Variants in PIK3CB observed in about 807,000 individuals in gnomAD.
PIK3CB encodes the protein phosphatidylinositol-4,5-bisphosphate 3-kinase catalytic subunit beta.
Under a neutral mutation model 136.8 loss-of-function variants are expected in PIK3CB, and 39 were observed. The observed-to-expected ratio is 0.29, with a 90% CI of 0.22 to 0.37. The LOEUF (loss-of-function observed/expected upper bound fraction) is 0.37. Ranked by LOEUF, PIK3CB falls within the 10% of genes least tolerant of loss-of-function variation. The pLI, the probability that PIK3CB is intolerant of heterozygous loss-of-function variation, is 1.00. For missense variants in PIK3CB, 868 were observed against 1,275.4 expected (o/e 0.68, Z 4.87); for synonymous variants, 428 against 436.6 (o/e 0.98, Z 0.25).
At chr3:138,669,430 G>C (rs1481317514) in intron 19 of PIK3CB, among the ~76,000 whole-genome samples, 1 of 144,750 alleles carries the variant, frequency 6.9e-6, no homozygotes, top group African/African-American at 2.5e-5. Context: ...AAAAAAAGGG[G>C]GGGGGGATGT....
At chr3:138,688,840 A>G (rs1487513418) in intron 16 of PIK3CB, 35 bp downstream of exon 16, 1 of 1,399,190 alleles carries the variant, frequency 7.1e-7, no homozygotes, top group African/African-American at 1.4e-5. Flanking sequence ...GTCTGTCAAA[A>G]AAAGAAAAAA....
At chr3:138,725,182 A>AAT (rs1280094027) in intron 8 of PIK3CB, among the ~76,000 whole-genome samples, 2 of 151,674 alleles carry the variant, frequency 1.3e-5, no homozygotes, top group Non-Finnish European at 2.9e-5. Context: ...ATACTCCCTA[A>AAT]ATATATATAT....
intron 1 of PIK3CB, among the ~76,000 whole-genome samples, chr3:138,830,774 C>A (rs551561108): frequency 6.8e-6 from 1 of 146,780 alleles, no homozygotes; most frequent in East Asian, 2.1e-4. Flanking sequence ...TGTTGGCTGG[C>A]GCCTGTAGTC....
At chr3:138,785,954 A>G (rs1355822575) in intron 2 of PIK3CB, among the ~76,000 whole-genome samples, 4 of 152,228 alleles carry the variant, frequency 2.6e-5, no homozygotes, top group African/African-American at 9.6e-5. Context: ...AATAAATAAT[A>G]GTTTACAATA....
At chr3:138,782,188 T>G (rs2045930466) in intron 2 of PIK3CB, among the ~76,000 whole-genome samples, 1 of 152,232 alleles carries the variant, frequency 6.6e-6, no homozygotes, top group South Asian at 2.1e-4. Flanking sequence ...TCAGAATTAT[T>G]TCATCTCACA....
chr3:138,689,669 A>G lies in PIK3CB; in HGVS notation c.2037-695T>C, dbSNP rs1365099721. On this transcript the variant is annotated intron_variant, in intron 15 of 23. Coordinates refer to ENST00000674063, the MANE Select transcript of PIK3CB (RefSeq NM_006219.3). ...AAGTTCAAAAGCTATGATATTCTAT[A>G]ATTAGTTAATACTTCAAAGTTCAAA... Among the ~76,000 whole-genome samples, 3 of 152,358 alleles carry G rather than the reference A, an allele frequency of 2.0e-5. 1 individual carries two copies. Among genetic ancestry groups the G allele is most frequent in the South Asian group, 4.1e-4 (2 of 4,828 alleles).
At chr3:138,787,255 A>G (rs561879903) in intron 2 of PIK3CB, among the ~76,000 whole-genome samples, 43 of 151,882 alleles carry the variant, frequency 2.8e-4, no homozygotes, top group Non-Finnish European at 5.2e-4. Context: ...AATTCCAGCT[A>G]CTCAGGAGGC....
At chr3:138,742,442 T>C (rs1311400354) in intron 5 of PIK3CB, 116 bp downstream of exon 5, 3 of 592,480 alleles carry the variant, frequency 5.1e-6, no homozygotes, top group Non-Finnish European at 9.0e-6. Context: ...AATATAAAAT[T>C]GTTCTTTCTA....
intron 11 of PIK3CB, among the ~76,000 whole-genome samples, chr3:138,705,035 C>T (rs1356709372): frequency 2.6e-5 from 4 of 151,040 alleles, no homozygotes; most frequent in Non-Finnish European, 4.4e-5. Context: ...AATTATCCCA[C>T]CTCAGCCTCA....
At chr3:138,739,640 C>G (rs1219615552) in intron 5 of PIK3CB, among the ~76,000 whole-genome samples, 1 of 150,852 alleles carries the variant, frequency 6.6e-6, no homozygotes, top group East Asian at 2.0e-4. Flanking sequence ...GTGGATCACA[C>G]CTATAATCCC....
At position 138,694,742 on chromosome 3, in the gene PIK3CB, C is replaced by G. The variant is rs2044098384; in HGVS notation, c.1892+44G>C. ...GGAGACACCCTCATCCCAAACCCAC[C>G]CAAGTTATTCCTTGCCCCAAAGAAA... On this transcript the variant is annotated intron_variant, in intron 14 of 23. Coordinates refer to ENST00000674063, the MANE Select transcript of PIK3CB (RefSeq NM_006219.3). 1.9e-6 allele frequency: 3 copies of G among 1,600,026 alleles called. No homozygotes were observed. The East Asian group carries it at 6.7e-5, about 36-fold the overall frequency.
At chr3:138,781,795 T>C (rs914675909) in intron 2 of PIK3CB, among the ~76,000 whole-genome samples, 2 of 152,032 alleles carry the variant, frequency 1.3e-5, no homozygotes, top group African/African-American at 2.4e-5. Flanking sequence ...GGGTGCACAC[T>C]TAGGGTCCCA....
chr3:138,705,915 G>C (rs2044370452), intron 11 of PIK3CB, among the ~76,000 whole-genome samples: 1 of 152,108 alleles, frequency 6.6e-6, no homozygotes, highest in Non-Finnish European at 1.5e-5. Context: ...ACCACACCCA[G>C]CTAACTTTTA....
chr3:138,775,937 C>T (rs974030901), intron 2 of PIK3CB, among the ~76,000 whole-genome samples: 1 of 152,206 alleles, frequency 6.6e-6, no homozygotes, highest in Non-Finnish European at 1.5e-5. Flanking sequence ...GTGGCTCACA[C>T]CTGTAATCCC....
intron 12 of PIK3CB, among the ~76,000 whole-genome samples, chr3:138,704,021 T>C (rs2044311814): frequency 6.6e-6 from 1 of 152,054 alleles, no homozygotes; most frequent in Admixed American, 6.6e-5. Flanking sequence ...AACCATGAAA[T>C]AGAAAATACA....
At chr3:138,760,212 C>T (rs940331215) in intron 2 of PIK3CB, among the ~76,000 whole-genome samples, 1 of 152,130 alleles carries the variant, frequency 6.6e-6, no homozygotes, top group Non-Finnish European at 1.5e-5. Context: ...CGTGACCCAC[C>T]GTGCCCAGCC....
At chr3:138,832,136 T>C (rs1443775871) in intron 1 of PIK3CB, among the ~76,000 whole-genome samples, 2 of 152,268 alleles carry the variant, frequency 1.3e-5, no homozygotes, top group East Asian at 3.9e-4. Flanking sequence ...ACAGTGTTCA[T>C]TTTTCACTTT....
In PIK3CB at chr3:138,785,342, G is replaced by A. The variant is rs540789819; in HGVS notation, c.-17+11121C>T. On this transcript the variant is annotated intron_variant, in intron 2 of 23. Transcript: ENST00000674063. ...GTGTACCCAACAGCTCATTGAGAAC[G>A]GGCCATGATGACGATGGCAGTTTTG... Among the ~76,000 whole-genome samples the A allele has an allele frequency of 7.2e-5, 11 of 152,272 alleles. No homozygotes were observed. The East Asian group carries it at 9.7e-4, about 13-fold the overall frequency.
chr3:138,698,866 C>T lies in PIK3CB; in HGVS notation c.1770+41G>A, dbSNP rs780227493. Reference sequence around the variant, plus strand: ...TACTTTATGTGAATCCAACCAAGTACCATACACCCAAAAAAAGTTATAGAA... The same window carrying T: ...TACTTTATGTGAATCCAACCAAGTATCATACACCCAAAAAAAGTTATAGAA... On this transcript the variant is annotated intron_variant, in intron 13 of 23. Coordinates refer to ENST00000674063, the MANE Select transcript of PIK3CB (RefSeq NM_006219.3). 1.0e-5 allele frequency: 13 copies of T among 1,293,352 alleles called. No individual in the cohort carries two copies. In the African/African-American group the frequency reaches 1.6e-4, roughly 16 times the overall value. The allele number at this position is 1,293,352 out of a possible 1,614,324, so 80.1% of individuals were successfully genotyped here. A position where few individuals can be genotyped will look rare whatever the true frequency, so the allele number is the denominator to read the frequency against.
Sources: allele counts gnomAD v4.1 joint callset (sites outside exome capture counted in the v4.1 genomes callset), GRCh38; gene constraint gnomAD v4.1.1; transcripts MANE v1.5; gene names NCBI Gene and HGNC (gene_info 2026-07-23, HGNC 2026-07-21).